Variants in MCUB observed in about 807,000 individuals in gnomAD.
The protein encoded by MCUB is mitochondrial calcium uniporter dominant negative subunit beta.
Under a neutral mutation model 41.4 loss-of-function variants are expected in MCUB, and 46 were observed. The observed-to-expected ratio is 1.11, with a 90% CI of 0.88 to 1.42. The LOEUF is 1.42. MCUB is among the 40% of genes most tolerant of loss of function. The pLI, the probability that MCUB is intolerant of heterozygous loss-of-function variation, is 0.00. For synonymous variants in MCUB, 148 were observed against 148.2 expected (o/e 1.00, Z 0.01); for missense variants, 403 against 404.9 (o/e 1.00, Z 0.04).
chr4:109,655,073 C>A (rs1729059968), intron 1 of MCUB, among the ~76,000 whole-genome samples: 1 of 152,194 alleles, frequency 6.6e-6, no homozygotes, highest in African/African-American at 2.4e-5. Flanking sequence ...CCTCCTCAAC[C>A]TCAGCTATTT....
intron 4 of MCUB, among the ~76,000 whole-genome samples, chr4:109,676,642 T>C (rs1026985759): frequency 2.6e-5 from 4 of 152,252 alleles, no homozygotes; most frequent in South Asian, 4.1e-4. Flanking sequence ...GCAGTAACTC[T>C]GCTCCTAGTA....
intron 1 of MCUB, among the ~76,000 whole-genome samples, chr4:109,613,930 T>G (rs1030669502): frequency 6.6e-6 from 1 of 152,188 alleles, no homozygotes; most frequent in African/African-American, 2.4e-5. Context: ...GATATTGAAG[T>G]TGATATAATC....
At chr4:109,582,568 A>ACC (rs1221710960) in intron 1 of MCUB, among the ~76,000 whole-genome samples, 8 of 151,390 alleles carry the variant, frequency 5.3e-5, no homozygotes, top group African/African-American at 1.9e-4. Context: ...AACAAAAAAA[A>ACC]AAAAAAAATC....
chr4:109,679,455 G>A (rs1047510334), intron 4 of MCUB, among the ~76,000 whole-genome samples: 8 of 152,176 alleles, frequency 5.3e-5, no homozygotes, highest in Non-Finnish European at 1.2e-4. Context: ...AGACCAGCCC[G>A]GTCAACACGG....
At chr4:109,682,483 C>A in intron 4 of MCUB, 99 bp from the exon 5 acceptor site, 1 of 967,914 alleles carries the variant, frequency 1.0e-6, no homozygotes, top group Non-Finnish European at 1.6e-6. Flanking sequence ...CCTGTGGATC[C>A]TAAGATAATA....
intron 1 of MCUB, among the ~76,000 whole-genome samples, chr4:109,638,411 T>TAAAAAAAA (rs60114567): frequency 1.4e-5 from 2 of 138,338 alleles, no homozygotes; most frequent in Non-Finnish European, 3.2e-5. Context: ...GCATTATATC[T>TAAAAAAAA]AAAAAAAAAA....
chr4:109,580,165 T>A (rs576773589), intron 1 of MCUB, among the ~76,000 whole-genome samples: 1 of 152,094 alleles, frequency 6.6e-6, no homozygotes, highest in Non-Finnish European at 1.5e-5. Flanking sequence ...TTGCTCGGAG[T>A]GATGGTTTCC....
chr4:109,651,794 T>C (rs183408680), intron 1 of MCUB, among the ~76,000 whole-genome samples: 3 of 152,308 alleles, frequency 2.0e-5, no homozygotes, highest in African/African-American at 7.2e-5. Flanking sequence ...TTTTTTCTTC[T>C]GCATGTGACA....
chr4:109,597,361 G>A (rs1270658045), intron 1 of MCUB, among the ~76,000 whole-genome samples: 1 of 150,432 alleles, frequency 6.6e-6, no homozygotes, highest in African/African-American at 2.4e-5. Flanking sequence ...CGGGCGGGGG[G>A]CTGACCCCCC....
chr4:109,654,381 C>A (rs999835909), intron 1 of MCUB, among the ~76,000 whole-genome samples: 1 of 152,088 alleles, frequency 6.6e-6, no homozygotes, highest in Admixed American at 6.6e-5. Flanking sequence ...GAGGCCGAGG[C>A]AGGCAGATCA....
chr4:109,643,128 C>T (rs1162116737), intron 1 of MCUB, among the ~76,000 whole-genome samples: 4 of 151,722 alleles, frequency 2.6e-5, no homozygotes, highest in East Asian at 1.9e-4. Flanking sequence ...AAACAACTTA[C>T]CATTTTTTTA....
chr4:109,626,296 TTTC>T (rs1728358095), intron 1 of MCUB, among the ~76,000 whole-genome samples: 2 of 152,230 alleles, frequency 1.3e-5, no homozygotes, highest in Non-Finnish European at 2.9e-5. Context: ...TATCACAAAT[TTTC>T]TTTTCCAGTG....
At chr4:109,645,685 C>T (rs951337886) in intron 1 of MCUB, among the ~76,000 whole-genome samples, 6 of 152,146 alleles carry the variant, frequency 3.9e-5, no homozygotes, top group Non-Finnish European at 7.4e-5. Flanking sequence ...ACTTTCTCTA[C>T]TCACTGCATA....
At chr4:109,663,276 A>G (rs551848792) in intron 3 of MCUB, among the ~76,000 whole-genome samples, 1 of 152,326 alleles carries the variant, frequency 6.6e-6, no homozygotes, top group African/African-American at 2.4e-5. Context: ...AGAAACCTCT[A>G]CCCAGCACCA....
At chr4:109,597,453 C>G (rs1389232636) in intron 1 of MCUB, among the ~76,000 whole-genome samples, 441 of 78,990 alleles carry the variant, frequency 5.6e-3, no homozygotes, top group East Asian at 0.012. Flanking sequence ...GCTGGCCGGG[C>G]GGGGGGCTGA....
chr4:109,617,251 T>A (rs1486119297), intron 1 of MCUB, among the ~76,000 whole-genome samples: 2 of 152,248 alleles, frequency 1.3e-5, no homozygotes, highest in African/African-American at 4.8e-5. Context: ...TTGGTTTGAC[T>A]TGTGGCACTC....
chr4:109,617,965 T>C lies in MCUB; in HGVS notation c.100-41046T>C, dbSNP rs145885641. On this transcript the variant is annotated intron_variant, in intron 1 of 7. Transcript: ENST00000394650. Reference sequence around the variant, plus strand: ...AGTCTTGTTTTCACATGTAACTTCTTGTATTTGTAGGAGATGCCTTTGGTC... The same window carrying C: ...AGTCTTGTTTTCACATGTAACTTCTCGTATTTGTAGGAGATGCCTTTGGTC... Among the ~76,000 whole-genome samples the C allele has an allele frequency of 5.6e-3, 846 of 152,316 alleles. 24 individuals are homozygous for C. In the East Asian group the frequency reaches 0.064, roughly 12 times the overall value.
intron 1 of MCUB, among the ~76,000 whole-genome samples, chr4:109,608,743 T>C (rs1241256163): frequency 6.6e-6 from 1 of 152,118 alleles, no homozygotes; most frequent in Non-Finnish European, 1.5e-5. Context: ...TCAAGCAGTC[T>C]GCCTGCCTTG....
rs138119878 is a variant in MCUB at position 109,599,900 on chromosome 4, C to A, written c.99+39464C>A. On this transcript the variant is annotated intron_variant, in intron 1 of 7. Coordinates refer to ENST00000394650, the MANE Select transcript of MCUB (RefSeq NM_017918.5). ...GGTCAGGCTGGTCTCAGACTCCTGA[C>A]CTCAAGCAGTCCGCTCACCTCAGCC... Among the ~76,000 whole-genome samples, 620 of 152,210 alleles carry A rather than the reference C, an allele frequency of 4.1e-3. 5 individuals carry two copies. The highest frequency in any genetic ancestry group is 0.014 in the African/African-American group (602 of 41,540).
Sources: allele counts gnomAD v4.1 joint callset (sites outside exome capture counted in the v4.1 genomes callset), GRCh38; gene constraint gnomAD v4.1.1; transcripts MANE v1.5; gene names NCBI Gene and HGNC (gene_info 2026-07-23, HGNC 2026-07-21).